Variants in NANS observed in about 807,000 individuals in gnomAD.
The protein encoded by NANS is N-acetylneuraminate synthase.
In NANS, 29 loss-of-function variants were observed where a neutral mutation model predicts 33.3. The observed-to-expected ratio is 0.87, with a 90% CI of 0.65 to 1.19. The LOEUF is 1.19. Among genes scored for constraint, NANS ranks in the 50% most tolerant of loss-of-function variants. The pLI, the probability that NANS is intolerant of heterozygous loss-of-function variation, is 0.00. For missense variants in NANS, 394 were observed against 461.1 expected, an observed-to-expected ratio of 0.85 and a Z score of 1.33; for synonymous variants, 163 against 177.2, an observed-to-expected ratio of 0.92 and a Z score of 0.64.
At chr9:98,070,089 T>C (rs1468637565) in intron 2 of NANS, among the ~76,000 whole-genome samples, 1 of 152,210 alleles carries the variant, frequency 6.6e-6, no homozygotes, top group African/African-American at 2.4e-5. Flanking sequence ...AAATTCAAAG[T>C]TTAAAATTAA....
Position 98,059,191 on chromosome 9 carries a change from T to TTCTC in NANS, c.133-1590_133-1589insCTCT, listed in dbSNP as rs1367438693. On this transcript the variant is annotated intron_variant, in intron 1 of 5. Transcript: ENST00000210444. ...GGTGCCCACCACCACACCTAGCTAA[T>TTCTC]TTTTTGTATTTTTAGTAGAGACGGG... is the stretch of plus-strand genomic sequence containing the variant. 1.4e-4 allele frequency among the ~76,000 whole-genome samples: 21 copies of TTCTC among 151,940 alleles called. No individual in the cohort carries two copies. In the East Asian group the frequency reaches 3.9e-3, roughly 28 times the overall value.
chr9:98,063,010 C>T (rs1326612424), intron 2 of NANS, among the ~76,000 whole-genome samples: 2 of 151,824 alleles, frequency 1.3e-5, no homozygotes, highest in African/African-American at 2.4e-5. Flanking sequence ...GATCTCGGCT[C>T]GCTGCAACCC....
rs1829683745 is a variant in NANS at position 98,078,281 on chromosome 9, C to T, written c.537C>T (p.Phe179=). The part of the protein sequence containing the change: ...YQIVKPLNPN[F]CFLQCTSAYP... ...TCGTGAAGCCCCTCAACCCCAACTT[C>T]TGCTTCTTGCAGTGTACCAGCGCAT... is the stretch of plus-strand genomic sequence containing the variant. Residue 179 remains phenylalanine (F), a synonymous_variant, in exon 4 of 6, where the codon TTC becomes TTT. Transcript: ENST00000210444. 4 of 1,613,968 alleles carry T rather than the reference C, an allele frequency of 2.5e-6. No homozygotes were observed. The highest frequency in any genetic ancestry group is 1.7e-5 in the Admixed American group (1 of 59,990).
At chr9:98,076,729 T>C (rs1829608172) in intron 2 of NANS, 189 bp from the exon 3 acceptor site, 2 of 567,920 alleles carry the variant, frequency 3.5e-6, no homozygotes, top group Non-Finnish European at 3.1e-6. Context: ...AATGGATGGG[T>C]GGATGCAAAT....
chr9:98,062,702 C>T (rs951302186), intron 2 of NANS, among the ~76,000 whole-genome samples: 9 of 151,208 alleles, frequency 6.0e-5, no homozygotes, highest in African/African-American at 1.5e-4. Flanking sequence ...TTAATAGCAA[C>T]GTAATATTTC....
chr9:98,080,670 G>A (rs1200215103), intron 4 of NANS, 146 bp from the exon 5 acceptor site: 2 of 791,348 alleles, frequency 2.5e-6, no homozygotes, highest in East Asian at 2.7e-5. Flanking sequence ...CCCTAGGAAA[G>A]AGAGGCTCAG....
chr9:98,056,847 G>T lies in NANS; in HGVS notation c.39G>T (p.Val13=), dbSNP rs11545355. ...LELELCPGRW[V]GGQHPCFIIA... ...TGGAGCTGTGTCCCGGGCGCTGGGT[G>T]GGCGGGCAACACCCGTGCTTCATCA... Residue 13 remains valine, a synonymous_variant, in exon 1 of 6, where the codon GTG becomes GTT. Transcript: ENST00000210444. The T allele has an allele frequency of 2.5e-6, 4 of 1,612,234 alleles. No individual in the cohort carries two copies. The South Asian group carries it at 3.3e-5, about 13-fold the overall frequency.
chr9:98,061,773 C>T (rs899153395), intron 2 of NANS, among the ~76,000 whole-genome samples: 4 of 147,286 alleles, frequency 2.7e-5, no homozygotes, highest in African/African-American at 1.0e-4. Context: ...AGCAAGATTC[C>T]GTCTCAAAAA....
chr9:98,056,761 C>T lies in NANS; in HGVS notation c.-48C>T. 6.3e-7 allele frequency: 1 copy of T among 1,587,638 alleles called. No homozygotes were observed. Among genetic ancestry groups the T allele is most frequent in the Non-Finnish European group, 8.5e-7 (1 of 1,170,620 alleles). On this transcript the variant is annotated 5_prime_UTR_variant, in exon 1 of 6. Transcript: ENST00000210444. ...AACAGAGTAGAGGCGGCGGCGGCGG[C>T]GGCCGGACCCAGACTGGTAGTGAGG...
At chr9:98,080,790 G>GTTAT (rs764300053) in intron 4 of NANS, 26 bp from the exon 5 acceptor site, 56 of 1,548,970 alleles carry the variant, frequency 3.6e-5, no homozygotes, top group Non-Finnish European at 4.9e-5. Context: ...GATATTTAAT[G>GTTAT]TTATTTTTCT....
intron 2 of NANS, among the ~76,000 whole-genome samples, chr9:98,073,182 T>G (rs1430017731): frequency 2.7e-5 from 4 of 150,790 alleles, no homozygotes; most frequent in Non-Finnish European, 4.4e-5. Context: ...CGGTGCCCTC[T>G]GACAGGCTGC....
chr9:98,062,654 A>G (rs1401716607), intron 2 of NANS, among the ~76,000 whole-genome samples: 2 of 152,062 alleles, frequency 1.3e-5, no homozygotes, highest in African/African-American at 4.8e-5. Context: ...AGTTAACATT[A>G]TAGCACAAAC....
intron 4 of NANS, 126 bp downstream of exon 4, chr9:98,078,473 C>T: frequency 8.1e-7 from 1 of 1,233,352 alleles, no homozygotes; most frequent in South Asian, 1.5e-5. Flanking sequence ...GACAGTCTTG[C>T]TGTTACCAAA....
At chr9:98,060,287 C>G (rs1828937074) in intron 1 of NANS, among the ~76,000 whole-genome samples, 1 of 152,176 alleles carries the variant, frequency 6.6e-6, no homozygotes. Context: ...CTCCAAACAA[C>G]CTTTTCTTCC....
chr9:98,073,891 A>G (rs927989334), intron 2 of NANS, among the ~76,000 whole-genome samples: 6 of 151,932 alleles, frequency 3.9e-5, no homozygotes, highest in South Asian at 2.1e-4. Context: ...GGTTCAAGCA[A>G]TCCTCCCACT....
intron 5 of NANS, 137 bp from the exon 6 acceptor site, chr9:98,082,709 C>G (rs1182926637): frequency 3.0e-6 from 2 of 675,554 alleles, no homozygotes; most frequent in Non-Finnish European, 5.0e-6. Flanking sequence ...ATATTCTGAG[C>G]AGTGTAGGGG....
rs1306648122 is a variant in NANS at position 98,082,886 on chromosome 9, G to T, written c.911G>T (p.Gly304Val). The change falls in exon 6 of 6, where the codon GGC (glycine) becomes GTC (valine). Residue 304 changes from glycine to valine, a missense_variant. Gly to Val is a moderately radical substitution (Grantham distance 109). Coordinates refer to ENST00000210444, the MANE Select transcript of NANS (RefSeq NM_018946.4). The part of the protein sequence containing the change: ...SVVAKVKIPE[G>V]TILTMDMLTV... ...GTGGCCAAAGTGAAAATTCCGGAAG[G>T]CACCATTCTAACAATGGACATGCTC... 6.2e-7 allele frequency: 1 copy of T among 1,614,028 alleles called. No homozygotes were observed. The highest frequency in any genetic ancestry group is 8.5e-7 in the Non-Finnish European group (1 of 1,180,032).
At chr9:98,057,010 GGGCCACAC>G (rs1038977965) in intron 1 of NANS, 70 bp downstream of exon 1, 2 of 1,462,298 alleles carry the variant, frequency 1.4e-6, no homozygotes, top group African/African-American at 2.9e-5. Context: ...CGGGGAGCCA[GGGCCACAC>G]GGCCTCCGCG....
chr9:98,076,185 T>C (rs1046199014), intron 2 of NANS: 2 of 152,160 alleles, frequency 1.3e-5, no homozygotes, highest in African/African-American at 4.8e-5. Flanking sequence ...TTTTCCCCCT[T>C]TCGCCAAGAA....
Sources: gnomAD v4.1 joint callset for allele counts (sites outside exome capture counted in the v4.1 genomes callset) on GRCh38, gnomAD v4.1.1 for gene constraint, MANE v1.5 for transcripts, NCBI Gene and HGNC (gene_info 2026-07-23, HGNC 2026-07-21) for gene names.